Variants in PNLDC1 observed in about 807,000 individuals in gnomAD.
PNLDC1 encodes PARN like ribonuclease domain containing exonuclease 1.
A neutral mutation model predicts 82.0 loss-of-function variants in PNLDC1; 70 were observed. That is an observed-to-expected ratio of 0.85 (90% CI 0.70 to 1.04). PNLDC1 has a LOEUF of 1.04. Among genes scored for constraint, PNLDC1 ranks in the 50% least tolerant of loss-of-function variants. PNLDC1 has a pLI of 0.00. For missense variants in PNLDC1, 631 were observed against 661.1 expected (o/e 0.95, Z 0.50); for synonymous variants, 280 against 249.3 (o/e 1.12, Z -1.16).
In PNLDC1 at chr6:159,809,227, G is replaced by T. The variant is rs73589360; in HGVS notation, c.783+69G>T. The T allele has an allele frequency of 7.8e-6, 12 of 1,544,818 alleles. No homozygotes were observed. The South Asian group carries it at 1.3e-4, about 17-fold the overall frequency. On this transcript the variant is annotated intron_variant, in intron 9 of 18. Coordinates refer to ENST00000392167, the MANE Select transcript of PNLDC1 (RefSeq NM_001271862.2). ...GTATTTCTGGTCATAGATACTAAAG[G>T]CTCCTTCAACAACAAGATAAAATTC...
At chr6:159,811,057 C>T (rs1033076472) in intron 10 of PNLDC1, among the ~76,000 whole-genome samples, 7 of 152,196 alleles carry the variant, frequency 4.6e-5, no homozygotes, top group African/African-American at 1.7e-4. Flanking sequence ...ATCACCCTCT[C>T]AGCCGGTGGG....
chr6:159,810,195 C>G (rs1781600706), intron 10 of PNLDC1, 100 bp downstream of exon 10: 1 of 1,043,308 alleles, frequency 9.6e-7, no homozygotes, highest in Non-Finnish European at 1.5e-6. Flanking sequence ...CTAAAATGCC[C>G]ATTCCTCCCC....
rs749526023 is a variant in PNLDC1 at position 159,818,569 on chromosome 6, C to T, written c.1172C>T (p.Pro391Leu). The T allele has an allele frequency of 7.4e-6, 12 of 1,613,738 alleles. No individual in the cohort carries two copies. Among genetic ancestry groups the T allele is most frequent in the Non-Finnish European group, 9.3e-6 (11 of 1,180,030 alleles). The change falls in exon 16 of 19, where the codon CCC becomes CTC. Residue 391 changes from proline (P) to leucine (L), a missense_variant. Physicochemically the swap from Pro to Leu is moderately conservative, Grantham distance 98. Coordinates refer to ENST00000392167, the MANE Select transcript of PNLDC1 (RefSeq NM_001271862.2). ...TGTCCTTGCAGCATCGACCCCGTGC[C>T]CGAGTCATCCTTTCCTCAGTACCTT... ...LQKIYHIDPV[P>L]ESSFPQYLDV... is the part of the protein sequence containing the mutation.
chr6:159,810,303 A>G (rs1465082963), intron 10 of PNLDC1, among the ~76,000 whole-genome samples: 2 of 152,160 alleles, frequency 1.3e-5, no homozygotes, highest in East Asian at 3.9e-4. Flanking sequence ...GTCAAGGGGG[A>G]AAAAATTTAA....
At chr6:159,816,628 CACTTT>C in intron 14 of PNLDC1, 32 bp downstream of exon 14, 1 of 1,465,552 alleles carries the variant, frequency 6.8e-7, no homozygotes, top group Non-Finnish European at 9.2e-7. Flanking sequence ...AAAGGAAACT[CACTTT>C]TTTTTTTTTT....
upstream of PNLDC1, chr6:159,800,225 G>A (rs1781181900): frequency 2.9e-6 from 4 of 1,378,142 alleles, no homozygotes; most frequent in Admixed American, 4.4e-5. Flanking sequence ...CGCCCTTTAA[G>A]ACCCGGCGGC....
At chr6:159,805,038 C>T (rs1417218335) in intron 6 of PNLDC1, among the ~76,000 whole-genome samples, 1 of 152,336 alleles carries the variant, frequency 6.6e-6, no homozygotes, top group Non-Finnish European at 1.5e-5. Context: ...GGATATCTCT[C>T]GGGCAACCTT....
At position 159,809,030 on chromosome 6, in the gene PNLDC1, G is replaced by A; in HGVS notation, c.655G>A (p.Val219Met). The A allele has an allele frequency of 1.2e-6, 2 of 1,612,998 alleles. No homozygotes were observed. Among genetic ancestry groups the A allele is most frequent in the Non-Finnish European group, 1.7e-6 (2 of 1,179,746 alleles). The part of the protein sequence containing the change: ...LKDEGVVVKK[V>M]SKQHRWYLQN... ...TGCTTTTCAGGTGGTAGTGAAGAAA[G>A]TGAGTAAACAACATCGTTGGTATCT... Residue 219 changes from valine to methionine, a missense_variant, in exon 9 of 19, where the codon GTG becomes ATG. Val to Met is a conservative substitution (Grantham distance 21). Coordinates refer to ENST00000392167, the MANE Select transcript of PNLDC1 (RefSeq NM_001271862.2).
rs530175561 is a variant in PNLDC1, at chr6:159,816,111, G to C, written c.1060+78G>C. 4.1e-6 allele frequency: 3 copies of C among 736,620 alleles called. No individual in the cohort carries two copies. In the East Asian group the frequency reaches 2.1e-4, roughly 52 times the overall value. The allele number at this position is 736,620 out of a possible 1,614,324, so 45.6% of individuals were successfully genotyped here. On this transcript the variant is annotated intron_variant, in intron 13 of 18. Transcript: ENST00000392167. Reference sequence around the variant, plus strand: ...CTCAGCTGAGCTTGTCCTTGACCCTGGTTCCCCCACACCCCTCCCCACCCA... The same window carrying C: ...CTCAGCTGAGCTTGTCCTTGACCCTCGTTCCCCCACACCCCTCCCCACCCA...
At chr6:159,802,950 T>C (rs1781316868) in intron 3 of PNLDC1, among the ~76,000 whole-genome samples, 1 of 152,090 alleles carries the variant, frequency 6.6e-6, no homozygotes, top group African/African-American at 2.4e-5. Context: ...ACATTTTAAA[T>C]GAGTTAAATA....
chr6:159,813,991 ACTCGTCACCTTCACCCCTG>A (rs1781730932), intron 12 of PNLDC1, among the ~76,000 whole-genome samples: 1 of 151,370 alleles, frequency 6.6e-6, no homozygotes, highest in Admixed American at 6.6e-5. Context: ...GCTGCCACCT[ACTCGTCACCTTCACCCCTG>A]CTCAGCAACT....
intron 4 of PNLDC1, 132 bp downstream of exon 4, chr6:159,803,442 C>G: frequency 2.7e-6 from 2 of 753,768 alleles, no homozygotes; most frequent in East Asian, 5.2e-5. Flanking sequence ...GTGTCTGTTC[C>G]TCCACTCACT....
chr6:159,812,595 C>T (rs1781681109), intron 11 of PNLDC1, among the ~76,000 whole-genome samples: 2 of 152,214 alleles, frequency 1.3e-5, no homozygotes, highest in African/African-American at 2.4e-5. Flanking sequence ...GCTGCACTGG[C>T]AGCTTTTTGT....
chr6:159,806,497 G>C (rs556678629), intron 7 of PNLDC1, among the ~76,000 whole-genome samples: 1 of 152,222 alleles, frequency 6.6e-6, no homozygotes, highest in African/African-American at 2.4e-5. Flanking sequence ...CTTTCCAATG[G>C]ATATGTGAGG....
At chr6:159,800,148 C>T (rs530493960), upstream of PNLDC1, 7 of 601,900 alleles carry the variant, frequency 1.2e-5, no homozygotes, top group Non-Finnish European at 2.0e-5. Flanking sequence ...CAGGTGTGGG[C>T]GACGCCAGCA....
intron 4 of PNLDC1, 121 bp downstream of exon 4, chr6:159,803,431 T>C (rs775026024): frequency 6.3e-5 from 54 of 854,476 alleles, no homozygotes; most frequent in Non-Finnish European, 9.9e-5. Context: ...TATTCTCTCC[T>C]GTGTCTGTTC....
At position 159,819,422 on chromosome 6, in the gene PNLDC1, A is replaced by G. The variant is rs2115065598; in HGVS notation, c.1532+70A>G. 3 of 1,370,546 alleles carry G rather than the reference A, an allele frequency of 2.2e-6. No individual in the cohort carries two copies. The highest frequency in any genetic ancestry group is 3.0e-6 in the Non-Finnish European group (3 of 984,130). 84.9% of individuals were successfully genotyped at this position (1,370,546 alleles called of 1,614,324 possible). The stretch of plus-strand genomic sequence containing the variant: ...GTGCCCGGGGTCCCAGCATCCCAGC[A>G]TGGTCTGACTCGAGCACAGCTCACT... On this transcript the variant is annotated intron_variant, in intron 18 of 18. Transcript: ENST00000392167. The surrounding 1 kb of genome is among the most constrained non-coding windows in gnomAD (Gnocchi z 4.6).
chr6:159,810,646 C>T (rs1267114143), intron 10 of PNLDC1, among the ~76,000 whole-genome samples: 1 of 152,202 alleles, frequency 6.6e-6, no homozygotes, highest in African/African-American at 2.4e-5. Flanking sequence ...CCTTGGTGAT[C>T]TCATCCATCC....
chr6:159,807,919 CT>C (rs781388141), intron 7 of PNLDC1, among the ~76,000 whole-genome samples: 4,166 of 143,140 alleles, frequency 0.029, 45 homozygotes, highest in South Asian at 0.039. Flanking sequence ...TTTTTTTTTT[CT>C]TTTTTTTTTT....
Sources: allele counts gnomAD v4.1 joint callset (sites outside exome capture counted in the v4.1 genomes callset), GRCh38; gene constraint gnomAD v4.1.1; non-coding constraint Gnocchi (gnomAD v3.1); transcripts MANE v1.5; gene names NCBI Gene and HGNC (gene_info 2026-07-23, HGNC 2026-07-21).